The following TPM1 variants were observed in gnomAD, a reference collection of about 807,000 sequenced individuals.
The protein encoded by TPM1 is tropomyosin alpha-1 chain.
In TPM1, 24 loss-of-function variants were observed where a neutral mutation model predicts 42.9. The ratio of observed to expected loss-of-function variants is 0.56; its 90% confidence interval spans 0.41 to 0.79. The LOEUF is 0.79. Ranked by LOEUF, TPM1 falls within the 30% of genes least tolerant of loss-of-function variation. TPM1 has a pLI of 0.00. For missense variants in TPM1, 158 were observed against 351.8 expected, an observed-to-expected ratio of 0.45 and a Z score of 4.41; for synonymous variants, 136 against 130.1, an observed-to-expected ratio of 1.05 and a Z score of -0.31.
In TPM1 at chr15:63,062,557, C is replaced by T. The variant is rs1215099231; in HGVS notation, c.703-19C>T. 1 of 1,613,914 alleles carries T rather than the reference C, an allele frequency of 6.2e-7. No homozygotes were observed. Among genetic ancestry groups the T allele is most frequent in the Non-Finnish European group, 8.5e-7 (1 of 1,179,888 alleles). On this transcript the variant is annotated intron_variant, in intron 7 of 9. Transcript: ENST00000403994. ...GAAACATAAAACTTCCCAACTTTAA[C>T]TCAAATAAATCATTACAGGCTGAGA...
intron 3 of TPM1, 66 bp from the exon 4 acceptor site, chr15:63,059,497 A>G (rs2035289615): frequency 7.9e-7 from 1 of 1,259,094 alleles, no homozygotes; most frequent in African/African-American, 1.5e-5. Context: ...AAGCCACAGC[A>G]GTGCAGTGTG....
downstream of TPM1, chr15:63,070,936 T>A (rs939746624): frequency 7.6e-6 from 11 of 1,454,192 alleles, no homozygotes; most frequent in East Asian, 2.9e-4. Flanking sequence ...CCGTCTTAGG[T>A]TCTTGTCTAG....
chr15:63,065,475 G>T (rs2036175500), intron 9 of TPM1: 2 of 985,266 alleles, frequency 2.0e-6, no homozygotes, highest in Admixed American at 1.2e-4. Context: ...AGACATGACT[G>T]TTGCCATGGA....
At chr15:63,070,334 T>A (rs900710290), downstream of TPM1, 3 of 743,886 alleles carry the variant, frequency 4.0e-6, no homozygotes, top group Non-Finnish European at 4.8e-6. Flanking sequence ...GTGTATATAT[T>A]CCTATCAGAT....
intron 1 of TPM1, chr15:63,043,665 G>A (rs544656970): frequency 3.3e-6 from 5 of 1,537,594 alleles, no homozygotes; most frequent in Admixed American, 2.0e-5. Flanking sequence ...CTAACACCCG[G>A]TCCGTGCCGG....
intron 3 of TPM1, among the ~76,000 whole-genome samples, chr15:63,057,510 G>A (rs2034993412): frequency 6.6e-6 from 1 of 152,208 alleles, no homozygotes. Context: ...GGAGGCTTAG[G>A]TGTAAATAAA....
chr15:63,062,854 T>C, intron 8 of TPM1: 1 of 1,525,058 alleles, frequency 6.6e-7, no homozygotes, highest in Non-Finnish European at 8.8e-7. Context: ...CCACCAGCCA[T>C]AGTGGCAAAT....
chr15:63,044,312 C>T, intron 2 of TPM1, 160 bp downstream of exon 2: 1 of 950,066 alleles, frequency 1.1e-6, no homozygotes, highest in Non-Finnish European at 1.6e-6. Flanking sequence ...CCTCTGACTG[C>T]TACTGCACAC....
downstream of TPM1, chr15:63,069,854 T>G: frequency 6.2e-7 from 1 of 1,614,014 alleles, no homozygotes; most frequent in Non-Finnish European, 8.5e-7. Context: ...GCTAACCTGC[T>G]TGCTGACCTG....
At chr15:63,065,794 G>T (rs1313723219) in intron 9 of TPM1, 102 bp from the exon 10 acceptor site, 1 of 1,425,812 alleles carries the variant, frequency 7.0e-7, no homozygotes, top group Non-Finnish European at 9.5e-7. Context: ...CTTCTTGTCT[G>T]TGTTTCAAGT....
Position 63,064,141 on chromosome 15 carries a change from A to G in TPM1, c.850A>G (p.Ile284Val), listed in dbSNP as rs199476322. 17 of 1,613,620 alleles carry G rather than the reference A, an allele frequency of 1.1e-5. No homozygotes were observed. The highest frequency in any genetic ancestry group is 1.6e-4 in the Middle Eastern group (1 of 6,084). Residue 284 changes from isoleucine (I) to valine (V), a missense_variant and splice_region_variant, in exon 9 of 10, where the codon ATA becomes GTA. Ile to Val is a conservative substitution (Grantham distance 29). Around this residue, in one of 4 missense-constraint regions of TPM1, gnomAD observed 64 missense variants for 95.8 expected, o/e 0.67. Coordinates refer to ENST00000403994, the MANE Select transcript of TPM1 (RefSeq NM_001018005.2). ...LDHALNDMTS[I>V] ...CCACGCTCTCAACGATATGACTTCC[A>G]TGTAAACGTTCATCCACTCTGCCTG...
chr15:63,047,904 G>A (rs982254385), intron 2 of TPM1: 1 of 223,466 alleles, frequency 4.5e-6, no homozygotes, highest in Non-Finnish European at 9.0e-6. Context: ...GAAACTAGGA[G>A]CCAGAGTCAA....
intron 5 of TPM1, 174 bp from the exon 6 acceptor site, chr15:63,061,538 TG>T (rs2035627451): frequency 1.3e-6 from 1 of 749,626 alleles, no homozygotes; most frequent in Non-Finnish European, 2.3e-6. Context: ...GTTGCGAGGT[TG>T]GGGGGCAGTG....
At chr15:63,063,435 T>A in intron 8 of TPM1, 1 of 942,574 alleles carries the variant, frequency 1.1e-6, no homozygotes, top group Non-Finnish European at 1.3e-6. Flanking sequence ...ACTTGCCATA[T>A]AAAGTGTGGC....
exon 9 of TPM1, chr15:63,071,350 G>C: frequency 1.6e-6 from 1 of 632,166 alleles, no homozygotes; most frequent in Non-Finnish European, 2.7e-6. Context: ...ATGTCAGGGC[G>C]ATCCTGGTTC....
At chr15:63,069,582 G>A (rs1041557957), downstream of TPM1, among the ~76,000 whole-genome samples, 4 of 152,206 alleles carry the variant, frequency 2.6e-5, no homozygotes, top group Admixed American at 6.5e-5. Context: ...TGAGGTATAA[G>A]AGGAACATTC....
At chr15:63,065,524 A>T in intron 9 of TPM1, 1 of 985,352 alleles carries the variant, frequency 1.0e-6, no homozygotes, top group South Asian at 4.7e-5. Context: ...TCATTTGTAA[A>T]TGAGGGGGTG....
intron 2 of TPM1, chr15:63,046,375 G>A (rs1205748849): frequency 6.6e-6 from 1 of 152,214 alleles, no homozygotes; most frequent in Non-Finnish European, 1.5e-5. Context: ...AAAGGGAGAA[G>A]TCCGGTAAGG....
chr15:63,065,525 TGA>T, intron 9 of TPM1: 1 of 985,278 alleles, frequency 1.0e-6, no homozygotes, highest in Non-Finnish European at 1.2e-6. Flanking sequence ...CATTTGTAAA[TGA>T]GGGGGTGGAG....
Sources: allele counts gnomAD v4.1 joint callset (sites outside exome capture counted in the v4.1 genomes callset), GRCh38; gene constraint gnomAD v4.1.1; regional missense constraint gnomAD v4.1.1; transcripts MANE v1.5; gene names NCBI Gene and HGNC (gene_info 2026-07-23, HGNC 2026-07-21).